The following PCDHGA2 variants were observed in gnomAD, a reference collection of about 807,000 sequenced individuals.
PCDHGA2 encodes the protein protocadherin gamma subfamily A, 2.
In PCDHGA2, 40 loss-of-function variants were observed where a neutral mutation model predicts 59.2. The observed-to-expected ratio is 0.68, with a 90% CI of 0.52 to 0.88. PCDHGA2 has a LOEUF of 0.88. Among genes scored for constraint, PCDHGA2 ranks in the 40% least tolerant of loss-of-function variants. The pLI is 0.00. For synonymous variants in PCDHGA2, 560 were observed against 526.0 expected (o/e 1.06, Z -0.89); for missense variants, 1,226 against 1,204.0 (o/e 1.02, Z -0.27).
chr5:141,346,115 G>C (rs928895484), intron 1 of PCDHGA2: 1 of 1,613,808 alleles, frequency 6.2e-7, no homozygotes, highest in African/African-American at 1.3e-5. Context: ...TGTACCTGGT[G>C]GTGGCGGTGG....
intron 1 of PCDHGA2, among the ~76,000 whole-genome samples, chr5:141,454,649 G>A (rs1202153817): frequency 6.6e-6 from 1 of 151,800 alleles, no homozygotes; most frequent in Non-Finnish European, 1.5e-5. Context: ...CAGGTGATCT[G>A]CCCACCTCGG....
At chr5:141,347,137 C>CTCTTTCTTTCTTTCTTTCTT (rs70988799) in intron 1 of PCDHGA2, among the ~76,000 whole-genome samples, 11,945 of 113,702 alleles carry the variant, frequency 0.11, 1,254 homozygotes, top group African/African-American at 0.17. Flanking sequence ...CTCTGTTTCT[C>CTCTTTCTTTCTTTCTTTCTT]TCTTTCTTTC....
chr5:141,420,111 C>T (rs747723647), intron 1 of PCDHGA2: 1 of 1,613,966 alleles, frequency 6.2e-7, no homozygotes, highest in African/African-American at 1.3e-5. Flanking sequence ...TTGCCCTATG[C>T]CTATAATTTT....
At chr5:141,381,635 G>A (rs528841837) in intron 1 of PCDHGA2, among the ~76,000 whole-genome samples, 1 of 152,276 alleles carries the variant, frequency 6.6e-6, no homozygotes, top group Non-Finnish European at 1.5e-5. Context: ...GCAGATTTCT[G>A]CCTTCTGTAG....
intron 1 of PCDHGA2, chr5:141,413,717 A>C: frequency 6.2e-7 from 1 of 1,613,382 alleles, no homozygotes; most frequent in Non-Finnish European, 8.5e-7. Flanking sequence ...CCCAATAAGC[A>C]CTTCTCCCTA....
chr5:141,372,384 T>G, intron 1 of PCDHGA2: 1 of 1,613,990 alleles, frequency 6.2e-7, no homozygotes, highest in Non-Finnish European at 8.5e-7. Flanking sequence ...GCACCTAATC[T>G]TCGCAGATAG....
chr5:141,480,112 C>T (rs531082602), intron 1 of PCDHGA2, among the ~76,000 whole-genome samples: 2 of 152,190 alleles, frequency 1.3e-5, no homozygotes, highest in Admixed American at 1.3e-4. Flanking sequence ...TAGCATGGTG[C>T]CTGGCATATC....
At position 141,431,367 on chromosome 5, in the gene PCDHGA2, A is replaced by G; in HGVS notation, c.2425-63440A>G. 1.2e-6 allele frequency: 2 copies of G among 1,613,984 alleles called. No homozygotes were observed. The highest frequency in any genetic ancestry group is 2.2e-5 in the South Asian group (2 of 91,084). On this transcript the variant is annotated intron_variant, in intron 1 of 3. Coordinates refer to ENST00000394576, the MANE Select transcript of PCDHGA2 (RefSeq NM_018915.4). This position sits in a 1 kb window ranked among gnomAD's most constrained non-coding sequence, Gnocchi z 4.8. ...GTGCTGAAACGCGCCCTGGACCGCGAAGAAAAGGCTGCTCACCACCTGGTC... is the reference window on the plus strand; with the variant it reads ...GTGCTGAAACGCGCCCTGGACCGCGGAGAAAAGGCTGCTCACCACCTGGTC...
intron 1 of PCDHGA2, chr5:141,390,071 CTG>C: frequency 1.2e-6 from 2 of 1,614,084 alleles, no homozygotes; most frequent in Middle Eastern, 1.6e-4. Context: ...AGCCTGGTCT[CTG>C]TGTTAAATCC....
intron 1 of PCDHGA2, chr5:141,430,923 A>C (rs2097325574): frequency 6.2e-7 from 1 of 1,607,168 alleles, no homozygotes; most frequent in African/African-American, 1.3e-5. Context: ...CTGGGGCTGG[A>C]GCCCCGGGAG....
At chr5:141,416,014 A>G (rs1258459397) in intron 1 of PCDHGA2, 1 of 228,504 alleles carries the variant, frequency 4.4e-6, no homozygotes, top group African/African-American at 2.3e-5. Flanking sequence ...AAGAATAGGT[A>G]AGTATCAGAA....
intron 1 of PCDHGA2, chr5:141,374,502 T>C (rs1588742531): frequency 6.2e-7 from 1 of 1,611,402 alleles, no homozygotes; most frequent in East Asian, 2.2e-5. Flanking sequence ...GAATTGGAAG[T>C]GAAAATTCTC....
Position 141,368,188 on chromosome 5 carries a change from G to A in PCDHGA2, c.2424+26793G>A, listed in dbSNP as rs528865842. Among the ~76,000 whole-genome samples the A allele has an allele frequency of 2.2e-4, 33 of 152,098 alleles. 1 individual carries two copies. In the South Asian group the frequency reaches 5.6e-3, roughly 26 times the overall value. Reference sequence around the variant, plus strand: ...CAGCTTCAAATAATGACTAAATAAGGGGAAAAGGTAATAAAATATTACAAA... The same window carrying A: ...CAGCTTCAAATAATGACTAAATAAGAGGAAAAGGTAATAAAATATTACAAA... On this transcript the variant is annotated intron_variant, in intron 1 of 3. Coordinates refer to ENST00000394576, the MANE Select transcript of PCDHGA2 (RefSeq NM_018915.4).
At chr5:141,394,754 G>A (rs753264235) in intron 1 of PCDHGA2, 3 of 1,613,428 alleles carry the variant, frequency 1.9e-6, no homozygotes, top group African/African-American at 2.7e-5. Flanking sequence ...TGGCCGTCCA[G>A]GACCATGGCC....
At chr5:141,415,468 G>A (rs762272586) in intron 1 of PCDHGA2, 8 of 1,614,070 alleles carry the variant, frequency 5.0e-6, no homozygotes, top group East Asian at 2.2e-5. Context: ...CTCTCTCACC[G>A]CGGACTCGCG....
intron 1 of PCDHGA2, among the ~76,000 whole-genome samples, chr5:141,401,168 C>T (rs2094123018): frequency 1.3e-5 from 2 of 152,142 alleles, no homozygotes; most frequent in Non-Finnish European, 2.9e-5. Flanking sequence ...ATGGTGAAAA[C>T]CCGTCTCTAC....
At chr5:141,387,000 C>T (rs1211654185) in intron 1 of PCDHGA2, among the ~76,000 whole-genome samples, 7 of 152,118 alleles carry the variant, frequency 4.6e-5, no homozygotes, top group African/African-American at 1.7e-4. Flanking sequence ...TATTATCCCC[C>T]TGATAACTTT....
At chr5:141,492,384 C>T (rs1001189412) in intron 1 of PCDHGA2, among the ~76,000 whole-genome samples, 1 of 152,230 alleles carries the variant, frequency 6.6e-6, no homozygotes, top group African/African-American at 2.4e-5. Context: ...AGGCCTGTTC[C>T]GGTCCACTCG....
intron 1 of PCDHGA2, among the ~76,000 whole-genome samples, chr5:141,469,739 A>G (rs1352751978): frequency 1.3e-5 from 2 of 152,262 alleles, no homozygotes; most frequent in African/African-American, 4.8e-5. Flanking sequence ...TACACACCTC[A>G]AAAATTACAA....
Sources: gnomAD v4.1 joint callset for allele counts (sites outside exome capture counted in the v4.1 genomes callset) on GRCh38, gnomAD v4.1.1 for gene constraint, Gnocchi (gnomAD v3.1) non-coding constraint, MANE v1.5 for transcripts, NCBI Gene and HGNC (gene_info 2026-07-23, HGNC 2026-07-21) for gene names.